Variants in MLANA observed in about 807,000 individuals in gnomAD.
The protein encoded by MLANA is melanoma antigen recognized by T-cells 1.
Under a neutral mutation model 15.7 loss-of-function variants are expected in MLANA, and 21 were observed. The observed-to-expected ratio is 1.33, with a 90% CI of 0.95 to 1.92. MLANA has a LOEUF of 1.92. Ranked by LOEUF, MLANA falls within the 40% of genes most tolerant of loss-of-function variation. MLANA has a pLI of 0.00. For synonymous variants in MLANA, 56 were observed against 51.5 expected (o/e 1.09, Z -0.37); for missense variants, 164 against 143.8 (o/e 1.14, Z -0.72).
At chr9:5,903,432 T>C (rs977642833) in intron 3 of MLANA, among the ~76,000 whole-genome samples, 3 of 152,354 alleles carry the variant, frequency 2.0e-5, no homozygotes, top group African/African-American at 7.2e-5. Context: ...TTGAGTTTTT[T>C]TGCATCTATA....
chr9:5,905,930 C>T (rs1005637374), intron 3 of MLANA, among the ~76,000 whole-genome samples: 6 of 152,120 alleles, frequency 3.9e-5, no homozygotes, highest in African/African-American at 1.4e-4. Context: ...TTTTTTCTTT[C>T]TGTTAACATT....
intron 3 of MLANA, among the ~76,000 whole-genome samples, chr9:5,901,819 G>A (rs973193611): frequency 6.6e-6 from 1 of 152,196 alleles, no homozygotes; most frequent in Admixed American, 6.5e-5. Context: ...ACCACGCCTG[G>A]CCTGATTTCT....
At chr9:5,898,587 T>C (rs993503614) in intron 3 of MLANA, among the ~76,000 whole-genome samples, 1 of 152,190 alleles carries the variant, frequency 6.6e-6, no homozygotes, top group Non-Finnish European at 1.5e-5. Flanking sequence ...CTGGATGTTG[T>C]GTGTAGCTAA....
chr9:5,905,588 CCCTTA>C (rs1220391375), intron 3 of MLANA, among the ~76,000 whole-genome samples: 2 of 152,188 alleles, frequency 1.3e-5, no homozygotes, highest in Non-Finnish European at 2.9e-5. Flanking sequence ...ATTGCAGACT[CCCTTA>C]CCTTAAGCAT....
intron 3 of MLANA, 29 bp from the exon 4 acceptor site, chr9:5,906,856 C>T (rs1163844609): frequency 1.4e-6 from 2 of 1,392,200 alleles, no homozygotes; most frequent in Non-Finnish European, 2.0e-6. Context: ...TTCTTCTCAC[C>T]CACTCACCTT....
At chr9:5,897,804 T>G in intron 3 of MLANA, 151 bp downstream of exon 3, 1 of 710,836 alleles carries the variant, frequency 1.4e-6, no homozygotes, top group East Asian at 2.7e-5. Context: ...ACATTGTACT[T>G]TGGCAACTCT....
intron 3 of MLANA, among the ~76,000 whole-genome samples, chr9:5,899,967 T>C (rs1384901389): frequency 6.6e-6 from 1 of 152,244 alleles, no homozygotes; most frequent in Non-Finnish European, 1.5e-5. Flanking sequence ...ACACAATGTA[T>C]ATCCATTTTT....
At chr9:5,897,512 AC>A in intron 2 of MLANA, 44 bp from the exon 3 acceptor site, 9 of 1,525,726 alleles carry the variant, frequency 5.9e-6, no homozygotes, top group Non-Finnish European at 8.2e-6. Context: ...ATAATGTAGA[AC>A]AATGTTTCAA....
chr9:5,905,089 CT>C (rs1213360816), intron 3 of MLANA, among the ~76,000 whole-genome samples: 1 of 152,108 alleles, frequency 6.6e-6, no homozygotes, highest in Non-Finnish European at 1.5e-5. Flanking sequence ...TTCTTTTTTA[CT>C]TTTTTTCAGT....
chr9:5,891,542 A>G (rs1831658091), intron 1 of MLANA, among the ~76,000 whole-genome samples: 1 of 152,204 alleles, frequency 6.6e-6, no homozygotes, highest in African/African-American at 2.4e-5. Context: ...GCTCATTAAT[A>G]TAATTCTATG....
chr9:5,903,752 T>A (rs79077879), intron 3 of MLANA, among the ~76,000 whole-genome samples: 6,031 of 152,304 alleles, frequency 0.04, 410 homozygotes, highest in African/African-American at 0.14. Context: ...TTATGTAATA[T>A]CCCTCTTTAT....
chr9:5,899,323 AG>A (rs1279379198), intron 3 of MLANA: 1 of 152,198 alleles, frequency 6.6e-6, no homozygotes. Context: ...GGAGAAGGTG[AG>A]AGATACAACT....
intron 3 of MLANA, among the ~76,000 whole-genome samples, chr9:5,900,292 C>G (rs765026933): frequency 3.3e-5 from 5 of 152,112 alleles, no homozygotes; most frequent in Non-Finnish European, 5.9e-5. Context: ...AGGATTAGAT[C>G]AGTGGTTTGT....
At chr9:5,906,196 A>AG (rs929244255) in intron 3 of MLANA, among the ~76,000 whole-genome samples, 14 of 151,294 alleles carry the variant, frequency 9.3e-5, no homozygotes, top group Non-Finnish European at 1.5e-4. Flanking sequence ...TAAAAAAAAA[A>AG]AAAGAAAGAA....
In MLANA at chr9:5,907,008, G is replaced by A. The variant is rs1469523321; in HGVS notation, c.288+10G>A. The A allele has an allele frequency of 6.5e-7, 1 of 1,543,828 alleles. No homozygotes were observed. Among genetic ancestry groups the A allele is most frequent in the Non-Finnish European group, 8.8e-7 (1 of 1,140,800 alleles). On this transcript the variant is annotated intron_variant, in intron 4 of 4. Coordinates refer to ENST00000381477, the MANE Select transcript of MLANA (RefSeq NM_005511.2). ...AAACTGTGAACCTGTGGTAGGTTAA[G>A]ATCCTTCATAAGGGTATTTTCATGA...
intron 3 of MLANA, among the ~76,000 whole-genome samples, chr9:5,900,585 G>A (rs184063886): frequency 8.1e-4 from 123 of 152,018 alleles, no homozygotes; most frequent in Non-Finnish European, 1.5e-3. Context: ...TATGAGCTTT[G>A]GGCATGTGAA....
At chr9:5,905,918 G>GT (rs887584934) in intron 3 of MLANA, among the ~76,000 whole-genome samples, 1 of 152,120 alleles carries the variant, frequency 6.6e-6, no homozygotes, top group African/African-American at 2.4e-5. Context: ...ATATTTTGCA[G>GT]TTTTTTTCTT....
chr9:5,900,212 C>T (rs2129942801), intron 3 of MLANA, among the ~76,000 whole-genome samples: 1 of 152,264 alleles, frequency 6.6e-6, no homozygotes, highest in East Asian at 1.9e-4. Flanking sequence ...GTCTTAATGT[C>T]ATGTGCTCAG....
chr9:5,897,517 G>T, intron 2 of MLANA, 40 bp from the exon 3 acceptor site: 1 of 1,548,790 alleles, frequency 6.5e-7, no homozygotes, highest in African/African-American at 1.4e-5. Context: ...GTAGAACAAT[G>T]TTTCAATGAC....
Sources: allele counts gnomAD v4.1 joint callset (sites outside exome capture counted in the v4.1 genomes callset), GRCh38; gene constraint gnomAD v4.1.1; transcripts MANE v1.5; gene names NCBI Gene and HGNC (gene_info 2026-07-23, HGNC 2026-07-21).